The following MICU1 variants were observed in gnomAD, a reference collection of about 807,000 sequenced individuals.
The protein encoded by MICU1 is mitochondrial calcium uptake 1, also known as calcium uptake protein 1, mitochondrial.
A neutral mutation model predicts 56.8 loss-of-function variants in MICU1; 45 were observed. That is an observed-to-expected ratio of 0.79 (90% confidence interval 0.62 to 1.02). MICU1 has a LOEUF of 1.02. Among genes scored for constraint, MICU1 ranks in the 50% least tolerant of loss-of-function variants. The pLI is 0.00. For missense variants in MICU1, 504 were observed against 587.1 expected (o/e 0.86, Z 1.46); for synonymous variants, 186 against 195.1 (o/e 0.95, Z 0.39).
At chr10:72,513,576 T>C (rs1336587837) in intron 5 of MICU1, among the ~76,000 whole-genome samples, 1 of 152,206 alleles carries the variant, frequency 6.6e-6, no homozygotes, top group Non-Finnish European at 1.5e-5. Flanking sequence ...CATTTATCTA[T>C]TTTATTATTT....
intron 8 of MICU1, among the ~76,000 whole-genome samples, chr10:72,448,598 T>C (rs574774983): frequency 1.3e-5 from 2 of 152,088 alleles, no homozygotes; most frequent in Middle Eastern, 3.4e-3. Context: ...CTGACAAGCA[T>C]TAGGAAAAAT....
intron 3 of MICU1, among the ~76,000 whole-genome samples, chr10:72,554,557 T>C (rs1840112928): frequency 6.6e-6 from 1 of 152,194 alleles, no homozygotes; most frequent in Non-Finnish European, 1.5e-5. Flanking sequence ...ATTAAGAGGC[T>C]TTAAAGATAT....
intron 8 of MICU1, among the ~76,000 whole-genome samples, chr10:72,473,474 C>T (rs2132264195): frequency 6.6e-6 from 1 of 152,180 alleles, no homozygotes; most frequent in Admixed American, 6.5e-5. Context: ...TATTCCAGTT[C>T]AGGATGGAGG....
At chr10:72,456,872 TG>T (rs1224368189) in intron 8 of MICU1, among the ~76,000 whole-genome samples, 67 of 40,980 alleles carry the variant, frequency 1.6e-3, no homozygotes, top group African/African-American at 4.5e-3. Flanking sequence ...TGTGTGTGTG[TG>T]TGTGTGTGTG....
intron 8 of MICU1, among the ~76,000 whole-genome samples, chr10:72,442,137 G>A (rs147796339): frequency 6.6e-6 from 1 of 152,002 alleles, no homozygotes; most frequent in African/African-American, 2.4e-5. Context: ...AATATAAACT[G>A]TAATCATGTG....
chr10:72,552,544 T>C (rs1311343033), intron 3 of MICU1, among the ~76,000 whole-genome samples: 1 of 152,156 alleles, frequency 6.6e-6, no homozygotes, highest in Non-Finnish European at 1.5e-5. Flanking sequence ...TGATGTTTTA[T>C]TTTATTTTAT....
At chr10:72,423,567 T>C (rs1466832638) in intron 8 of MICU1, among the ~76,000 whole-genome samples, 196 bp from the exon 9 acceptor site, 2 of 152,188 alleles carry the variant, frequency 1.3e-5, no homozygotes, top group African/African-American at 4.8e-5. Flanking sequence ...TGCCACTTAC[T>C]ATTGTCAGAG....
chr10:72,587,535 C>T (rs1051584393), intron 1 of MICU1, among the ~76,000 whole-genome samples: 2 of 151,416 alleles, frequency 1.3e-5, no homozygotes, highest in South Asian at 4.2e-4. Context: ...TTTGGAAGGC[C>T]AAAGCACACA....
intron 5 of MICU1, chr10:72,533,163 C>G: frequency 1.6e-6 from 2 of 1,287,976 alleles, no homozygotes; most frequent in Non-Finnish European, 2.0e-6. Context: ...AGAATCTGGC[C>G]TGAAAGGAAA....
intron 1 of MICU1, among the ~76,000 whole-genome samples, chr10:72,598,493 T>C (rs1417196683): frequency 6.6e-6 from 1 of 152,026 alleles, no homozygotes; most frequent in African/African-American, 2.4e-5. Context: ...TGACCTCAAG[T>C]GATCCACCCG....
intron 1 of MICU1, among the ~76,000 whole-genome samples, chr10:72,624,563 GGAA>G (rs1187739275): frequency 1.3e-5 from 2 of 152,168 alleles, no homozygotes; most frequent in African/African-American, 4.8e-5. Flanking sequence ...TAAATATAAA[GGAA>G]GACAGCAATA....
chr10:72,535,714 T>C (rs1179687060), intron 4 of MICU1, among the ~76,000 whole-genome samples: 1 of 152,094 alleles, frequency 6.6e-6, no homozygotes, highest in Non-Finnish European at 1.5e-5. Flanking sequence ...GGCAGGAGAA[T>C]CAGAATAGAA....
chr10:72,440,079 C>T (rs1365866202), intron 8 of MICU1, among the ~76,000 whole-genome samples: 1 of 152,130 alleles, frequency 6.6e-6, no homozygotes, highest in East Asian at 1.9e-4. Context: ...AAAAAAAGAG[C>T]CTGCATAGCC....
At chr10:72,467,495 T>C (rs568441274) in intron 8 of MICU1, among the ~76,000 whole-genome samples, 3 of 152,266 alleles carry the variant, frequency 2.0e-5, no homozygotes, top group East Asian at 1.9e-4. Flanking sequence ...ATTTTCTGTA[T>C]TTTTAATAGA....
intron 8 of MICU1, among the ~76,000 whole-genome samples, chr10:72,447,421 T>A (rs1432479494): frequency 6.6e-6 from 1 of 152,138 alleles, no homozygotes; most frequent in African/African-American, 2.4e-5. Flanking sequence ...ATGATTATAG[T>A]CATGACAAAA....
chr10:72,571,237 G>A (rs918950982), intron 1 of MICU1, among the ~76,000 whole-genome samples: 5 of 152,192 alleles, frequency 3.3e-5, no homozygotes, highest in Admixed American at 6.5e-5. Flanking sequence ...GGTGGCAGGC[G>A]CCTGTTATTC....
intron 1 of MICU1, among the ~76,000 whole-genome samples, chr10:72,624,198 T>C (rs1842176232): frequency 6.6e-6 from 1 of 152,210 alleles, no homozygotes; most frequent in Admixed American, 6.5e-5. Flanking sequence ...TTTTATTCTT[T>C]TGTTGTTGTT....
intron 1 of MICU1, among the ~76,000 whole-genome samples, chr10:72,612,514 T>C (rs900110412): frequency 1.3e-5 from 2 of 152,172 alleles, no homozygotes; most frequent in African/African-American, 4.8e-5. Context: ...GGTTGGAATA[T>C]AGCCAGGCTT....
intron 4 of MICU1, among the ~76,000 whole-genome samples, chr10:72,549,678 C>A (rs1839984295): frequency 6.6e-6 from 1 of 152,122 alleles, no homozygotes; most frequent in South Asian, 2.1e-4. Flanking sequence ...CGCCTGTAAT[C>A]TCATCACTTT....
Sources: allele counts gnomAD v4.1 joint callset (sites outside exome capture counted in the v4.1 genomes callset), GRCh38; gene constraint gnomAD v4.1.1; transcripts MANE v1.5; gene names NCBI Gene and HGNC (gene_info 2026-07-23, HGNC 2026-07-21).